The following DHX34 variants were observed in gnomAD, a reference collection of about 807,000 sequenced individuals.
The protein encoded by DHX34 is probable ATP-dependent RNA helicase DHX34.
Under a neutral mutation model 111.1 loss-of-function variants are expected in DHX34, and 96 were observed. The observed-to-expected ratio is 0.86, with a 90% CI of 0.73 to 1.02. The LOEUF (loss-of-function observed/expected upper bound fraction) is 1.02. Among genes scored for constraint, DHX34 ranks in the 50% least tolerant of loss-of-function variants. The probability of loss-of-function intolerance (pLI) is 0.00; values close to 1 mark genes in which losing one functional copy is unlikely to be tolerated. For missense variants in DHX34, 1,560 were observed against 1,579.9 expected, an observed-to-expected ratio of 0.99 and a Z score of 0.21; for synonymous variants, 688 against 670.4, an observed-to-expected ratio of 1.03 and a Z score of -0.41.
At chr19:47,380,147 G>A (rs905625974) in intron 14 of DHX34, among the ~76,000 whole-genome samples, 162 bp downstream of exon 14, 1 of 152,184 alleles carries the variant, frequency 6.6e-6, no homozygotes, top group Non-Finnish European at 1.5e-5. Flanking sequence ...TCACTCCACT[G>A]GTCTGGGTGG....
chr19:47,368,438 C>G (rs1437052358), intron 7 of DHX34, among the ~76,000 whole-genome samples: 1 of 148,922 alleles, frequency 6.7e-6, no homozygotes, highest in Non-Finnish European at 1.5e-5. Context: ...TCCCGAGTAG[C>G]TGGGATTACA....
At chr19:47,366,225 GC>G (rs1969781305) in intron 6 of DHX34, among the ~76,000 whole-genome samples, 1 of 152,176 alleles carries the variant, frequency 6.6e-6, no homozygotes, top group Non-Finnish European at 1.5e-5. Context: ...AGAGACAGCA[GC>G]CCTCCTTGCC....
intron 13 of DHX34, among the ~76,000 whole-genome samples, chr19:47,378,968 A>G (rs1020034114): frequency 6.6e-6 from 1 of 150,874 alleles, no homozygotes; most frequent in African/African-American, 2.4e-5. Flanking sequence ...CATCTCTACT[A>G]AAAATACAAA....
chr19:47,381,413 G>C (rs921016290), intron 16 of DHX34, 89 bp downstream of exon 16: 11 of 1,517,638 alleles, frequency 7.2e-6, no homozygotes, highest in African/African-American at 1.4e-5. Context: ...GCACTTGCTA[G>C]AGCTTCGAGG....
chr19:47,366,833 C>A, intron 6 of DHX34, 148 bp from the exon 7 acceptor site: 1 of 1,339,944 alleles, frequency 7.5e-7, no homozygotes, highest in Non-Finnish European at 9.6e-7. Flanking sequence ...CTTGGCCTTT[C>A]AAAGTGCTGG....
intron 13 of DHX34, among the ~76,000 whole-genome samples, chr19:47,378,695 G>A (rs1407391345): frequency 6.6e-6 from 1 of 152,090 alleles, no homozygotes; most frequent in Non-Finnish European, 1.5e-5. Flanking sequence ...AGTTAGCTGG[G>A]CGTGGTGTTG....
At chr19:47,376,358 C>T (rs1244520888) in intron 11 of DHX34, 85 bp from the exon 12 acceptor site, 45 of 1,549,540 alleles carry the variant, frequency 2.9e-5, no homozygotes, top group Non-Finnish European at 3.9e-5. Flanking sequence ...GAGGAGGGAA[C>T]CTGGGCCAGA....
At chr19:47,373,804 T>A (rs1970047490) in intron 9 of DHX34, 104 bp downstream of exon 9, 41 of 1,407,118 alleles carry the variant, frequency 2.9e-5, no homozygotes, top group Non-Finnish European at 3.9e-5. Context: ...CAGACCAGAA[T>A]CCCACCCTGC....
At position 47,382,450 on chromosome 19, in the gene DHX34, G is replaced by A; in HGVS notation, c.*337G>A. 1 of 276,200 alleles carries A rather than the reference G, an allele frequency of 3.6e-6. No homozygotes were observed. The highest frequency in any genetic ancestry group is 7.0e-6 in the Non-Finnish European group (1 of 143,648). The allele number at this position is 276,200 out of a possible 1,614,324, so 17.1% of individuals were successfully genotyped here. A position where few individuals can be genotyped will look rare whatever the true frequency, so the allele number is the denominator to read the frequency against. ...CCATGTCTCCAGATTCCAGGTGCAG[G>A]TTCTTAGCACCTCCGCAGCCGCTCT... On this transcript the variant is annotated 3_prime_UTR_variant, in exon 17 of 17. Coordinates refer to ENST00000328771, the MANE Select transcript of DHX34 (RefSeq NM_014681.6).
At chr19:47,358,143 G>A (rs373396713) in intron 4 of DHX34, 23 bp downstream of exon 4, 3 of 1,595,114 alleles carry the variant, frequency 1.9e-6, no homozygotes, top group Admixed American at 1.7e-5. Flanking sequence ...GCCCGAGTGG[G>A]GCAGGCGGGG....
chr19:47,367,237 C>T, intron 7 of DHX34, 82 bp downstream of exon 7: 1 of 1,311,182 alleles, frequency 7.6e-7, no homozygotes, highest in Non-Finnish European at 9.9e-7. Context: ...GGCCTGGGGG[C>T]AAGTCTGTTT....
chr19:47,364,157 A>G (rs1440719299), intron 6 of DHX34, among the ~76,000 whole-genome samples: 1 of 152,114 alleles, frequency 6.6e-6, no homozygotes, highest in Non-Finnish European at 1.5e-5. Context: ...CAAAGGGTCA[A>G]GGGCATGGGA....
chr19:47,368,663 TACAC>T (rs755160063), intron 7 of DHX34, among the ~76,000 whole-genome samples: 19 of 143,538 alleles, frequency 1.3e-4, no homozygotes, highest in Non-Finnish European at 1.7e-4. Flanking sequence ...CACACACACA[TACAC>T]ACACATATAT....
At position 47,372,781 on chromosome 19, in the gene DHX34, C is replaced by T. The variant is rs543019641; in HGVS notation, c.1820C>T (p.Thr607Ile). 5.6e-6 allele frequency: 9 copies of T among 1,612,656 alleles called. No individual in the cohort carries two copies. In the African/African-American group the frequency reaches 1.2e-4, roughly 21 times the overall value. Residue 607 changes from threonine to isoleucine, a missense_variant, in exon 8 of 17, where the codon ACC (threonine) becomes ATC (isoleucine). Transcript: ENST00000328771. ...SMFSLVEPVLTIAAALSVQSP... is the reference protein window; with the variant it reads ...SMFSLVEPVLIIAAALSVQSP... ...TTCAGCCTGGTGGAGCCTGTGCTCACCATCGCAGCCGCACTTAGCGTCCAG... is the reference window on the plus strand; with the variant it reads ...TTCAGCCTGGTGGAGCCTGTGCTCATCATCGCAGCCGCACTTAGCGTCCAG...
At chr19:47,356,653 A>AAGAGAG (rs902548725) in intron 3 of DHX34, among the ~76,000 whole-genome samples, 1 of 150,684 alleles carries the variant, frequency 6.6e-6, no homozygotes, top group Non-Finnish European at 1.5e-5. Flanking sequence ...AAAGAAAAGA[A>AAGAGAG]AGAGAGAGAG....
rs760888791 is a variant in DHX34, at chr19:47,358,027, C to A, written c.1179C>A (p.Ala393=). The A allele has an allele frequency of 6.2e-7, 1 of 1,613,394 alleles. No individual in the cohort carries two copies. The highest frequency in any genetic ancestry group is 8.5e-7 in the Non-Finnish European group (1 of 1,180,040). Residue 393 remains alanine (A), a synonymous_variant, in exon 4 of 17, where the codon GCC becomes GCA. Coordinates refer to ENST00000328771, the MANE Select transcript of DHX34 (RefSeq NM_014681.6). ...VFLSGMAEIS[A]VLEAAQTYAS... ...TCAGCGGCATGGCGGAGATCAGCGC[C>A]GTGCTGGAGGCTGCCCAGACCTATG... is the stretch of plus-strand genomic sequence containing the variant.
rs146189268 is a variant in DHX34 at position 47,353,615 on chromosome 19, G to C, written c.585G>C (p.Val195=). The change falls in exon 2 of 17, where the codon GTG becomes GTC. Residue 195 remains valine, a synonymous_variant. Coordinates refer to ENST00000328771, the MANE Select transcript of DHX34 (RefSeq NM_014681.6). This position sits in a 1 kb window ranked among gnomAD's most constrained non-coding sequence, Gnocchi z 4.6. The part of the protein sequence containing the change: ...GDTGCGKSTQ[V]PQYLLAAGFS... The stretch of plus-strand genomic sequence containing the variant: ...CCGGCTGTGGCAAGTCCACTCAGGT[G>C]CCCCAGTACCTGCTGGCTGCTGGCT... 1.4e-5 allele frequency: 22 copies of C among 1,613,140 alleles called. No individual in the cohort carries two copies. Among genetic ancestry groups the C allele is most frequent in the Non-Finnish European group, 1.9e-5 (22 of 1,179,984 alleles).
Position 47,379,732 on chromosome 19 carries a change from CTT to C in DHX34, c.2731_2732del (p.Leu911GlyfsTer5), listed in dbSNP as rs760899100. 3 of 1,602,974 alleles carry C rather than the reference CTT, an allele frequency of 1.9e-6. No individual in the cohort carries two copies. The Admixed American group carries it at 5.0e-5, about 27-fold the overall frequency. On this transcript the variant is annotated frameshift_variant, in exon 14 of 17. Transcript: ENST00000328771. LOFTEE classifies it high-confidence loss of function. ...CAGTCCCTCCTGCTTTTTAGCCGGT[CTT>C]TGGACACCAATGGTGACTGCTCCCG... is the stretch of plus-strand genomic sequence containing the variant.
intron 7 of DHX34, among the ~76,000 whole-genome samples, chr19:47,369,652 GCTGGGAGCAGTGTTAATTGGCTGTC>G (rs1004928766): frequency 1.3e-5 from 2 of 152,156 alleles, no homozygotes; most frequent in Non-Finnish European, 2.9e-5. Flanking sequence ...CACAGTGGGG[GCTGGGAGCAGTGTTAATTGGCTGTC>G]CTGGGAGGCC....
Sources: allele counts gnomAD v4.1 joint callset (sites outside exome capture counted in the v4.1 genomes callset), GRCh38; gene constraint gnomAD v4.1.1; non-coding constraint Gnocchi (gnomAD v3.1); transcripts MANE v1.5; gene names NCBI Gene and HGNC (gene_info 2026-07-23, HGNC 2026-07-21).